CAMK4: variants seen among roughly 807,000 people sequenced by gnomAD.
CAMK4 encodes the protein calcium/calmodulin dependent protein kinase IV.
A neutral mutation model predicts 44.9 loss-of-function variants in CAMK4; 22 were observed. The observed-to-expected ratio is 0.49, with a 90% CI of 0.35 to 0.70. The LOEUF (loss-of-function observed/expected upper bound fraction) is 0.70, where lower values mean the gene tolerates loss of function less well. Among genes scored for constraint, CAMK4 ranks in the 30% least tolerant of loss-of-function variants. The probability of loss-of-function intolerance (pLI) is 0.01; values close to 1 mark genes in which losing one functional copy is unlikely to be tolerated. For synonymous variants in CAMK4, 218 were observed against 215.4 expected (o/e 1.01, Z -0.11); for missense variants, 498 against 586.8 (o/e 0.85, Z 1.56).
intron 1 of CAMK4, among the ~76,000 whole-genome samples, chr5:111,313,280 C>G (rs572470342): frequency 2.4e-4 from 37 of 152,244 alleles, no homozygotes; most frequent in African/African-American, 8.4e-4. Flanking sequence ...CCCCATGGAG[C>G]AGCTAAGCTG....
intron 1 of CAMK4, among the ~76,000 whole-genome samples, chr5:111,328,634 T>C (rs1375677765): frequency 1.3e-5 from 2 of 152,196 alleles, no homozygotes; most frequent in East Asian, 1.9e-4. Flanking sequence ...TGATTCTTCC[T>C]ACCCATGAGC....
intron 5 of CAMK4, among the ~76,000 whole-genome samples, chr5:111,399,943 A>C (rs547952987): frequency 3.9e-5 from 6 of 152,320 alleles, no homozygotes; most frequent in African/African-American, 1.4e-4. Flanking sequence ...TGTTCTCAGC[A>C]TCAGAATTTT....
chr5:111,457,196 AG>A (rs1403963748), intron 7 of CAMK4, among the ~76,000 whole-genome samples: 1 of 152,220 alleles, frequency 6.6e-6, no homozygotes, highest in African/African-American at 2.4e-5. Flanking sequence ...ATATTTTAAT[AG>A]GTTAAAAGGA....
At chr5:111,293,667 C>T (rs904329021) in intron 1 of CAMK4, among the ~76,000 whole-genome samples, 1 of 151,702 alleles carries the variant, frequency 6.6e-6, no homozygotes, top group African/African-American at 2.4e-5. Context: ...CCTTGTGATC[C>T]ACCCGCCTCA....
rs538245921 is a variant in CAMK4 at position 111,323,682 on chromosome 5, C to G, written c.162-20342C>G. ...TGTTAAAATATGTCTCAAAATGAGACTAAAATAGACATTTTAAAATAAATG... is the reference window on the plus strand; with the variant it reads ...TGTTAAAATATGTCTCAAAATGAGAGTAAAATAGACATTTTAAAATAAATG... On this transcript the variant is annotated intron_variant, in intron 1 of 10. Coordinates refer to ENST00000282356, the MANE Select transcript of CAMK4 (RefSeq NM_001744.6). Among the ~76,000 whole-genome samples, 34 of 152,006 alleles carry G rather than the reference C, an allele frequency of 2.2e-4. 1 individual carries two copies. In the South Asian group the frequency reaches 5.2e-3, roughly 23 times the overall value.
At chr5:111,367,944 A>G (rs565566860) in intron 2 of CAMK4, among the ~76,000 whole-genome samples, 1 of 152,178 alleles carries the variant, frequency 6.6e-6, no homozygotes, top group Admixed American at 6.5e-5. Flanking sequence ...TTGGTGCTGA[A>G]TGCATTGTGT....
chr5:111,465,140 T>C (rs1310482926), intron 7 of CAMK4, among the ~76,000 whole-genome samples: 3 of 152,054 alleles, frequency 2.0e-5, no homozygotes, highest in Non-Finnish European at 4.4e-5. Flanking sequence ...AATCTTCCTT[T>C]TCTTCTCTCT....
chr5:111,239,941 G>A (rs1342330818), intron 1 of CAMK4, among the ~76,000 whole-genome samples: 1 of 152,112 alleles, frequency 6.6e-6, no homozygotes, highest in Admixed American at 6.5e-5. Context: ...GGTAGTACAT[G>A]GTGCAATATT....
At chr5:111,344,800 A>G (rs184130189) in intron 2 of CAMK4, among the ~76,000 whole-genome samples, 4 of 151,964 alleles carry the variant, frequency 2.6e-5, no homozygotes, top group Admixed American at 2.6e-4. Flanking sequence ...GGGAGTTCAA[A>G]ATATAAATGC....
At chr5:111,452,366 C>T (rs1299384645) in intron 7 of CAMK4, among the ~76,000 whole-genome samples, 1 of 152,120 alleles carries the variant, frequency 6.6e-6, no homozygotes, top group Admixed American at 6.5e-5. Context: ...AATGGTGATC[C>T]AGCAAAGGTT....
intron 7 of CAMK4, among the ~76,000 whole-genome samples, chr5:111,456,744 G>A (rs1291568085): frequency 6.6e-6 from 1 of 151,898 alleles, no homozygotes; most frequent in Non-Finnish European, 1.5e-5. Context: ...AGAAATTTTG[G>A]TATTTTTACT....
At chr5:111,420,026 C>T (rs1752966646) in intron 5 of CAMK4, among the ~76,000 whole-genome samples, 1 of 151,894 alleles carries the variant, frequency 6.6e-6, no homozygotes, top group African/African-American at 2.4e-5. Flanking sequence ...CTATAAATTA[C>T]CTTGGGCAGT....
At chr5:111,251,202 G>T (rs1396365070) in intron 1 of CAMK4, among the ~76,000 whole-genome samples, 2 of 152,166 alleles carry the variant, frequency 1.3e-5, no homozygotes, top group African/African-American at 2.4e-5. Context: ...AGGCTCTTGG[G>T]TTGTAAGTAG....
At chr5:111,249,858 C>T (rs953341055) in intron 1 of CAMK4, among the ~76,000 whole-genome samples, 1 of 151,870 alleles carries the variant, frequency 6.6e-6, no homozygotes, top group African/African-American at 2.4e-5. Flanking sequence ...ACATATTTTT[C>T]CACTGAGTAC....
intron 4 of CAMK4, among the ~76,000 whole-genome samples, chr5:111,378,886 A>G (rs192039787): frequency 7.1e-6 from 1 of 139,914 alleles, no homozygotes; most frequent in Non-Finnish European, 1.6e-5. Context: ...CACTATGAAG[A>G]TACTCTTGTT....
chr5:111,329,758 G>T (rs1256775574), intron 1 of CAMK4, among the ~76,000 whole-genome samples: 1 of 151,518 alleles, frequency 6.6e-6, no homozygotes, highest in Non-Finnish European at 1.5e-5. Flanking sequence ...GGTAGATTAA[G>T]TATTTGACAA....
chr5:111,410,654 G>A (rs756954997), intron 5 of CAMK4, among the ~76,000 whole-genome samples: 30 of 152,228 alleles, frequency 2.0e-4, no homozygotes, highest in Non-Finnish European at 4.1e-4. Flanking sequence ...TGTATTATAT[G>A]GGCGTGATGT....
intron 4 of CAMK4, among the ~76,000 whole-genome samples, chr5:111,381,389 C>A (rs1297436031): frequency 6.6e-6 from 1 of 152,160 alleles, no homozygotes; most frequent in Non-Finnish European, 1.5e-5. Context: ...ATGCAGCCTT[C>A]AGTCTGTGGC....
chr5:111,354,467 G>A (rs1414456771), intron 2 of CAMK4, among the ~76,000 whole-genome samples: 1 of 150,938 alleles, frequency 6.6e-6, no homozygotes, highest in East Asian at 1.9e-4. Context: ...AACTACGTGA[G>A]GTGATGGATT....
Sources: allele counts gnomAD v4.1 joint callset (sites outside exome capture counted in the v4.1 genomes callset), GRCh38; gene constraint gnomAD v4.1.1; transcripts MANE v1.5; gene names NCBI Gene and HGNC (gene_info 2026-07-23, HGNC 2026-07-21).